SPOCK1: variants seen among roughly 807,000 people sequenced by gnomAD.
The protein encoded by SPOCK1 is SPARC (osteonectin), cwcv and kazal like domains proteoglycan 1.
Under a neutral mutation model 55.3 loss-of-function variants are expected in SPOCK1, and 23 were observed. The ratio of observed to expected loss-of-function variants is 0.42; its 90% CI spans 0.30 to 0.59. The LOEUF (loss-of-function observed/expected upper bound fraction) is 0.59. Ranked by LOEUF, SPOCK1 falls within the 20% of genes least tolerant of loss-of-function variation. The probability of loss-of-function intolerance (pLI) is 0.22; values close to 1 mark genes in which losing one functional copy is unlikely to be tolerated. For synonymous variants in SPOCK1, 226 were observed against 221.0 expected, an observed-to-expected ratio of 1.02 and a Z score of -0.20; for missense variants, 499 against 552.5, an observed-to-expected ratio of 0.90 and a Z score of 0.97.
chr5:137,031,445 C>T (rs999226186), intron 6 of SPOCK1, among the ~76,000 whole-genome samples: 1 of 152,140 alleles, frequency 6.6e-6, no homozygotes, highest in African/African-American at 2.4e-5. Context: ...AATGGGAAAA[C>T]CTAGCAGCTA....
intron 6 of SPOCK1, among the ~76,000 whole-genome samples, chr5:136,999,650 C>T (rs1751111256): frequency 6.6e-6 from 1 of 152,076 alleles, no homozygotes; most frequent in Non-Finnish European, 1.5e-5. Flanking sequence ...AGGAAACAAT[C>T]AGTGGGATAA....
intron 3 of SPOCK1, among the ~76,000 whole-genome samples, chr5:137,170,217 G>A (rs1042934244): frequency 6.6e-6 from 1 of 151,994 alleles, no homozygotes; most frequent in Non-Finnish European, 1.5e-5. Context: ...TTGTTATATT[G>A]TTTTTATTTG....
intron 6 of SPOCK1, among the ~76,000 whole-genome samples, chr5:137,018,927 T>A (rs1034246303): frequency 6.6e-6 from 1 of 152,126 alleles, no homozygotes; most frequent in Admixed American, 6.6e-5. Context: ...AGAATGTAAT[T>A]GAAAAATCAA....
intron 5 of SPOCK1, among the ~76,000 whole-genome samples, chr5:137,083,580 G>T (rs1752910492): frequency 6.6e-6 from 1 of 152,194 alleles, no homozygotes; most frequent in Non-Finnish European, 1.5e-5. Context: ...AGGCAAGGCT[G>T]CTGTCAGCTT....
chr5:137,243,824 G>A (rs1051174057), intron 3 of SPOCK1, among the ~76,000 whole-genome samples: 3 of 152,108 alleles, frequency 2.0e-5, no homozygotes, highest in Non-Finnish European at 2.9e-5. Context: ...ATAACGACTC[G>A]AAACTGATAA....
chr5:137,130,892 A>T (rs2240223), intron 4 of SPOCK1, among the ~76,000 whole-genome samples: 71,701 of 152,026 alleles, frequency 0.47, 17,080 homozygotes, highest in Middle Eastern at 0.52. Flanking sequence ...AAGGTCCCCA[A>T]ACTAATTAAC....
intron 2 of SPOCK1, among the ~76,000 whole-genome samples, chr5:137,464,210 G>A (rs534784628): frequency 2.0e-5 from 3 of 152,258 alleles, no homozygotes; most frequent in Non-Finnish European, 4.4e-5. Context: ...GCTGAGGCAA[G>A]AGAATCACTT....
chr5:137,490,677 C>A (rs1459213781), intron 2 of SPOCK1, among the ~76,000 whole-genome samples: 3 of 152,176 alleles, frequency 2.0e-5, no homozygotes, highest in African/African-American at 7.2e-5. Flanking sequence ...CCAAGAGCAA[C>A]CTTCGCATAA....
chr5:137,176,496 A>G (rs1196784457), intron 3 of SPOCK1, among the ~76,000 whole-genome samples: 1 of 85,226 alleles, frequency 1.2e-5, no homozygotes, highest in Non-Finnish European at 2.4e-5. Flanking sequence ...AATCTCCCCC[A>G]CCACAATGTG....
intron 4 of SPOCK1, among the ~76,000 whole-genome samples, chr5:137,135,362 G>A (rs1014468704): frequency 7.9e-5 from 12 of 152,194 alleles, no homozygotes; most frequent in Non-Finnish European, 1.8e-4. Context: ...CAGCCATGCA[G>A]ACTAGCAGAA....
intron 6 of SPOCK1, among the ~76,000 whole-genome samples, chr5:137,039,795 A>G (rs1329526208): frequency 6.6e-6 from 1 of 152,218 alleles, no homozygotes; most frequent in Non-Finnish European, 1.5e-5. Context: ...AGCCCCATCA[A>G]AGGGAACCTT....
At chr5:137,243,518 A>C (rs887362568) in intron 3 of SPOCK1, among the ~76,000 whole-genome samples, 2 of 152,196 alleles carry the variant, frequency 1.3e-5, no homozygotes, top group Admixed American at 1.3e-4. Context: ...GAACAAACTG[A>C]TTTAAAGTTT....
intron 5 of SPOCK1, among the ~76,000 whole-genome samples, chr5:137,091,610 G>A (rs993071749): frequency 6.6e-6 from 1 of 152,194 alleles, no homozygotes; most frequent in Non-Finnish European, 1.5e-5. Context: ...GGCTCTCAGA[G>A]CCTCCCACAG....
At position 137,478,761 on chromosome 5, in the gene SPOCK1, T is replaced by G. The variant is rs187542404; in HGVS notation, c.186+19612A>C. Among the ~76,000 whole-genome samples, 17 of 152,228 alleles carry G rather than the reference T, an allele frequency of 1.1e-4. 1 individual carries two copies. The East Asian group carries it at 3.3e-3, about 29-fold the overall frequency. ...AGACTCTATTGTTTAAATGGGACTTTGTATTCACCACCACCCCCAACCCAA... is the reference window on the plus strand; with the variant it reads ...AGACTCTATTGTTTAAATGGGACTTGGTATTCACCACCACCCCCAACCCAA... On this transcript the variant is annotated intron_variant, in intron 2 of 10. Transcript: ENST00000394945.
At chr5:137,151,984 A>G (rs977020046) in intron 3 of SPOCK1, among the ~76,000 whole-genome samples, 1 of 152,158 alleles carries the variant, frequency 6.6e-6, no homozygotes, top group Admixed American at 6.6e-5. Context: ...GAGCGGGTTC[A>G]TTTCTGCTTC....
chr5:137,245,221 C>A (rs1421794155), intron 3 of SPOCK1, among the ~76,000 whole-genome samples: 4 of 152,152 alleles, frequency 2.6e-5, no homozygotes, highest in African/African-American at 9.7e-5. Flanking sequence ...ATAGTAAACA[C>A]ATCATATTTC....
intron 2 of SPOCK1, among the ~76,000 whole-genome samples, chr5:137,377,942 C>CTTTTTTTT (rs3043282): frequency 4.8e-5 from 5 of 104,622 alleles, no homozygotes; most frequent in Non-Finnish European, 5.5e-5. Context: ...TCACTTCTTC[C>CTTTTTTTT]TTTTTTTTTT....
In SPOCK1 at chr5:137,020,484, T is replaced by C. The variant is rs187083163; in HGVS notation, c.590-27884A>G. On this transcript the variant is annotated intron_variant, in intron 6 of 10. Transcript: ENST00000394945. ...AAAAGATATTCAGAAGAAAATAGAA[T>C]ATGTTTATGACTTCAAGGTCGGGAA... is the stretch of plus-strand genomic sequence containing the variant. Among the ~76,000 whole-genome samples, 648 of 151,950 alleles carry C rather than the reference T, an allele frequency of 4.3e-3. 7 individuals are homozygous for C. The highest frequency in any genetic ancestry group is 0.015 in the African/African-American group (627 of 41,506).
At chr5:137,148,834 A>T (rs1166117741) in intron 3 of SPOCK1, among the ~76,000 whole-genome samples, 2 of 152,194 alleles carry the variant, frequency 1.3e-5, no homozygotes, top group African/African-American at 4.8e-5. Flanking sequence ...GTCTCACACC[A>T]AGGCTGATAC....
Sources: gnomAD v4.1 joint callset for allele counts (sites outside exome capture counted in the v4.1 genomes callset) on GRCh38, gnomAD v4.1.1 for gene constraint, MANE v1.5 for transcripts, NCBI Gene and HGNC (gene_info 2026-07-23, HGNC 2026-07-21) for gene names.